ANXA1: variants seen among roughly 807,000 people sequenced by gnomAD.
ANXA1 encodes the protein annexin I (lipocortin I).
In ANXA1, 39 loss-of-function variants were observed where a neutral mutation model predicts 47.9. That is an observed-to-expected ratio of 0.81 (90% CI 0.63 to 1.06). The LOEUF (loss-of-function observed/expected upper bound fraction) is 1.06. Among genes scored for constraint, ANXA1 ranks in the 50% least tolerant of loss-of-function variants. ANXA1 has a pLI of 0.00. For missense variants in ANXA1, 446 were observed against 422.7 expected (o/e 1.06, Z -0.48); for synonymous variants, 146 against 142.5 (o/e 1.02, Z -0.17).
intron 7 of ANXA1, among the ~76,000 whole-genome samples, 164 bp downstream of exon 7, chr9:73,163,025 T>C (rs1343334718): frequency 6.6e-6 from 1 of 152,180 alleles, no homozygotes; most frequent in Non-Finnish European, 1.5e-5. Flanking sequence ...AGTTTGGGTA[T>C]CTATGTCTGG....
At chr9:73,153,034 G>T (rs1391383346) in intron 1 of ANXA1, among the ~76,000 whole-genome samples, 1 of 152,156 alleles carries the variant, frequency 6.6e-6, no homozygotes, top group Non-Finnish European at 1.5e-5. Context: ...GTAAGAGAAT[G>T]CACATTGCAA....
rs1296841880 is a variant in ANXA1, at chr9:73,158,742, CT to C, written c.115del (p.Tyr39IlefsTer17). On this transcript the variant is annotated frameshift_variant, in exon 3 of 13. Transcript: ENST00000257497. LOFTEE classifies it high-confidence loss of function. ...GTGGTCCCGGATCAGCGGTGAGCCC[CT>C]ATCCTACCTTCAATCCATCCTCGGA... is the stretch of plus-strand genomic sequence containing the variant. The part of the protein sequence containing the change: ...KGGPGSAVSP[Y>X]PTFNPSSDVA... 2 of 1,613,822 alleles carry C rather than the reference CT, an allele frequency of 1.2e-6. No individual in the cohort carries two copies. The highest frequency in any genetic ancestry group is 2.7e-5 in the African/African-American group (2 of 74,908).
At chr9:73,169,440 T>G (rs572752858) in intron 12 of ANXA1, among the ~76,000 whole-genome samples, 1 of 152,164 alleles carries the variant, frequency 6.6e-6, no homozygotes, top group African/African-American at 2.4e-5. Context: ...CTAGGGTAGA[T>G]AGACATTGTG....
intron 1 of ANXA1, among the ~76,000 whole-genome samples, chr9:73,157,156 A>G (rs77622857): frequency 0.016 from 2,432 of 152,276 alleles, 61 homozygotes; most frequent in African/African-American, 0.055. Context: ...TGGGTGGGAA[A>G]ATATGTAGGA....
chr9:73,166,015 T>G, intron 9 of ANXA1, 82 bp from the exon 10 acceptor site: 1 of 1,020,028 alleles, frequency 9.8e-7, no homozygotes. Context: ...AAAAATTCTT[T>G]GAGTCAGTTG....
Position 73,170,308 on chromosome 9 carries a change from C to A in ANXA1, c.*201C>A. On this transcript the variant is annotated 3_prime_UTR_variant, in exon 13 of 13. Transcript: ENST00000257497. ...ATTTTTTAAAAATGTTTTCCCCAAA[C>A]CATAAAACCCTATACAAGTTGTTCT... 1 of 394,484 alleles carries A rather than the reference C, an allele frequency of 2.5e-6. No homozygotes were observed. The highest frequency in any genetic ancestry group is 4.5e-6 in the Non-Finnish European group (1 of 223,168). The allele number at this position is 394,484 out of a possible 1,614,324, so 24.4% of individuals were successfully genotyped here.
intron 1 of ANXA1, chr9:73,154,258 G>A: frequency 2.3e-6 from 3 of 1,317,974 alleles, no homozygotes; most frequent in Non-Finnish European, 3.1e-6. Flanking sequence ...ACAAGGCCGT[G>A]CATTTAAAAA....
chr9:73,153,994 G>A (rs1168445544), intron 1 of ANXA1, among the ~76,000 whole-genome samples: 1 of 152,134 alleles, frequency 6.6e-6, no homozygotes, highest in South Asian at 2.1e-4. Context: ...TCTGAAGAAC[G>A]TGATGAGATC....
chr9:73,159,844 T>C, intron 4 of ANXA1: 1 of 158,110 alleles, frequency 6.3e-6, no homozygotes, highest in South Asian at 2.0e-4. Flanking sequence ...GCAATGAAAT[T>C]AGAAAACTAT....
intron 9 of ANXA1, 31 bp from the exon 10 acceptor site, chr9:73,166,066 G>A: frequency 6.6e-7 from 1 of 1,509,962 alleles, no homozygotes; most frequent in East Asian, 2.3e-5. Context: ...AGGATGTTTT[G>A]CATGTATCTT....
intron 11 of ANXA1, 151 bp from the exon 12 acceptor site, chr9:73,168,881 G>GTT (rs1491179078): frequency 8.3e-6 from 2 of 240,622 alleles, no homozygotes; most frequent in African/African-American, 2.7e-4. Flanking sequence ...TTCGTGTAAG[G>GTT]TGTGTGTGTG....
Position 73,170,232 on chromosome 9 carries a change from T to C in ANXA1, c.*125T>C. The C allele has an allele frequency of 3.1e-6, 2 of 636,518 alleles. No homozygotes were observed. The highest frequency in any genetic ancestry group is 5.1e-6 in the Non-Finnish European group (2 of 393,302). The allele number at this position is 636,518 out of a possible 1,614,324, so 39.4% of individuals were successfully genotyped here. Reference sequence around the variant, plus strand: ...GTAGCTACCTACATGCTGAAAAATATAGCCTTTAAATCATTTTTATATTAT... The same window carrying C: ...GTAGCTACCTACATGCTGAAAAATACAGCCTTTAAATCATTTTTATATTAT... On this transcript the variant is annotated 3_prime_UTR_variant, in exon 13 of 13. Transcript: ENST00000257497.
chr9:73,168,603 G>A (rs1423233141), intron 11 of ANXA1: 1 of 155,178 alleles, frequency 6.4e-6, no homozygotes, highest in Non-Finnish European at 1.4e-5. Context: ...AGAGATGGTA[G>A]AATTAGGCAG....
rs566878895 is a variant in ANXA1 at position 73,165,050 on chromosome 9, C to G, written c.613-66C>G. 9.2e-6 allele frequency: 12 copies of G among 1,311,324 alleles called. No individual in the cohort carries two copies. In the South Asian group the frequency reaches 1.5e-4, roughly 16 times the overall value. 81.2% of individuals were successfully genotyped at this position (1,311,324 alleles called of 1,614,324 possible). On this transcript the variant is annotated intron_variant, in intron 8 of 12. Transcript: ENST00000257497. ...TTGCCTATATAATCTTTGACAAGGT[C>G]TAACATTATTGTGCAGATATCATTT...
intron 6 of ANXA1, 91 bp downstream of exon 6, chr9:73,160,984 C>A: frequency 3.6e-6 from 3 of 838,804 alleles, no homozygotes; most frequent in Non-Finnish European, 1.9e-6. Flanking sequence ...GTAATTATGG[C>A]AGCTTTGGAA....
chr9:73,158,603 T>A lies in ANXA1; in HGVS notation c.66+2T>A. The A allele has an allele frequency of 6.2e-7, 1 of 1,613,054 alleles. No homozygotes were observed. Among genetic ancestry groups the A allele is most frequent in the Non-Finnish European group, 8.5e-7 (1 of 1,179,192 alleles). Reference sequence around the variant, plus strand: ...GAAAATGAAGAGCAGGAATATGTTGTAAGTAGAGTGATAATAAAATTATGA... The same window carrying A: ...GAAAATGAAGAGCAGGAATATGTTGAAAGTAGAGTGATAATAAAATTATGA... On this transcript the variant is annotated splice_donor_variant, in intron 2 of 12. Coordinates refer to ENST00000257497, the MANE Select transcript of ANXA1 (RefSeq NM_000700.3). LOFTEE classifies it high-confidence loss of function.
At chr9:73,166,780 G>T (rs747580645) in intron 10 of ANXA1, among the ~76,000 whole-genome samples, 1 of 152,032 alleles carries the variant, frequency 6.6e-6, no homozygotes, top group Non-Finnish European at 1.5e-5. Context: ...CCAGGTCTGG[G>T]GTGGAGCTTA....
chr9:73,160,237 C>T (rs752630316), intron 4 of ANXA1, 26 bp from the exon 5 acceptor site: 2 of 1,487,932 alleles, frequency 1.3e-6, no homozygotes, highest in Admixed American at 2.3e-5. Context: ...TATTGGAAGT[C>T]CTGATTCTAA....
At position 73,158,727 on chromosome 9, in the gene ANXA1, A is replaced by C. The variant is rs199772708; in HGVS notation, c.99A>C (p.Gly33=). 1.2e-5 allele frequency: 19 copies of C among 1,613,906 alleles called. No homozygotes were observed. In the East Asian group the frequency reaches 4.2e-4, roughly 36 times the overall value. The stretch of plus-strand genomic sequence containing the variant: ...TGAAGTCATCCAAAGGTGGTCCCGG[A>C]TCAGCGGTGAGCCCCTATCCTACCT... ...QTVKSSKGGP[G]SAVSPYPTFN... Residue 33 remains glycine (G), a synonymous_variant, in exon 3 of 13, where the codon GGA becomes GGC. Coordinates refer to ENST00000257497, the MANE Select transcript of ANXA1 (RefSeq NM_000700.3).
Sources: gnomAD v4.1 joint callset for allele counts (sites outside exome capture counted in the v4.1 genomes callset) on GRCh38, gnomAD v4.1.1 for gene constraint, MANE v1.5 for transcripts, NCBI Gene and HGNC (gene_info 2026-07-23, HGNC 2026-07-21) for gene names.